The following WEE2 variants were observed in gnomAD, a reference collection of about 807,000 sequenced individuals.
The protein encoded by WEE2 is wee1-like protein kinase 2.
A neutral mutation model predicts 60.1 loss-of-function variants in WEE2; 50 were observed. That is an observed-to-expected ratio of 0.83 (90% CI 0.66 to 1.05). The LOEUF (loss-of-function observed/expected upper bound fraction) is 1.05, where lower values mean the gene tolerates loss of function less well. Among genes scored for constraint, WEE2 ranks in the 50% least tolerant of loss-of-function variants. The probability of loss-of-function intolerance (pLI) is 0.00; values close to 1 mark genes in which losing one functional copy is unlikely to be tolerated. For synonymous variants in WEE2, 240 were observed against 241.0 expected (o/e 1.00, Z 0.04); for missense variants, 631 against 684.3 (o/e 0.92, Z 0.87).
At chr7:141,716,300 T>C in intron 3 of WEE2, 33 bp downstream of exon 3, 1 of 1,604,060 alleles carries the variant, frequency 6.2e-7, no homozygotes, top group Non-Finnish European at 8.5e-7. Context: ...GCGGCCACAA[T>C]ATAGGCAGTT....
chr7:141,716,163 T>C (rs1473045906), intron 2 of WEE2, 59 bp from the exon 3 acceptor site: 6 of 1,405,562 alleles, frequency 4.3e-6, no homozygotes, highest in Admixed American at 3.5e-5. Context: ...GAACCTAGCA[T>C]AGTTCGGCCT....
chr7:141,718,243 T>C (rs1432617877), intron 3 of WEE2, among the ~76,000 whole-genome samples: 2 of 152,210 alleles, frequency 1.3e-5, no homozygotes, highest in East Asian at 1.9e-4. Flanking sequence ...CTTTGGGAGA[T>C]AAATCAGCTT....
Position 141,712,752 on chromosome 7 carries a change from T to A in WEE2, c.343-1457T>A, listed in dbSNP as rs191951202. On this transcript the variant is annotated intron_variant, in intron 1 of 11. Coordinates refer to ENST00000397541, the MANE Select transcript of WEE2 (RefSeq NM_001105558.1). ...TTCTTTGAGATGTGACAACTAGAAC[T>A]ATGTGCTGCATTCCAGGTGTGGCTA... 1.2e-3 allele frequency among the ~76,000 whole-genome samples: 182 copies of A among 152,344 alleles called. 1 individual carries two copies. Among genetic ancestry groups the A allele is most frequent in the African/African-American group, 4.2e-3 (174 of 41,586 alleles).
intron 1 of WEE2, among the ~76,000 whole-genome samples, chr7:141,710,587 A>C (rs1013696221): frequency 6.6e-6 from 1 of 152,210 alleles, no homozygotes; most frequent in Non-Finnish European, 1.5e-5. Context: ...CATGATGAGA[A>C]GGAATTAGGA....
chr7:141,715,892 C>A (rs1187617487), intron 2 of WEE2, among the ~76,000 whole-genome samples: 2 of 152,206 alleles, frequency 1.3e-5, no homozygotes, highest in African/African-American at 4.8e-5. Context: ...GTTCTGTGCT[C>A]TCTTGCTCCA....
intron 10 of WEE2, among the ~76,000 whole-genome samples, chr7:141,728,474 A>G (rs894263653): frequency 2.0e-5 from 3 of 152,182 alleles, no homozygotes; most frequent in Admixed American, 2.0e-4. Context: ...TTTGAATTCC[A>G]TTGTCCCAGC....
chr7:141,710,852 C>A (rs1052665080), intron 1 of WEE2, among the ~76,000 whole-genome samples: 2 of 152,042 alleles, frequency 1.3e-5, no homozygotes, highest in African/African-American at 4.8e-5. Context: ...AGATTTTAAT[C>A]CTGAGAGTGT....
chr7:141,724,055 CT>C lies in WEE2; in HGVS notation c.1135+8del. 6.2e-7 allele frequency: 1 copy of C among 1,605,620 alleles called. No homozygotes were observed. The highest frequency in any genetic ancestry group is 1.7e-4 in the Middle Eastern group (1 of 6,030). On this transcript the variant is annotated splice_region_variant and intron_variant, in intron 7 of 11. Coordinates refer to ENST00000397541, the MANE Select transcript of WEE2 (RefSeq NM_001105558.1). ...AATGTGATGTATAAAATTGGTTAGT[CT>C]GCCTTATAGCCTTACCAGTTACCAT...
At chr7:141,724,948 C>A in intron 8 of WEE2, 78 bp from the exon 9 acceptor site, 1 of 1,508,664 alleles carries the variant, frequency 6.6e-7, no homozygotes, top group African/African-American at 1.4e-5. Flanking sequence ...TCGAATGAAC[C>A]TTTCCTACCA....
At chr7:141,723,424 A>T in intron 6 of WEE2, 144 bp downstream of exon 6, 4 of 952,404 alleles carry the variant, frequency 4.2e-6, no homozygotes, top group Non-Finnish European at 6.2e-6. Context: ...CCTTAAAAAA[A>T]ATCAGTTAAA....
At chr7:141,724,536 T>A (rs1457679715) in intron 8 of WEE2, among the ~76,000 whole-genome samples, 1 of 152,208 alleles carries the variant, frequency 6.6e-6, no homozygotes, top group Non-Finnish European at 1.5e-5. Flanking sequence ...CTTCCTAACC[T>A]CATGGATTGC....
rs969752971 is a variant in WEE2 at position 141,724,409 on chromosome 7, C to A, written c.1221+134C>A. ...CGCTCTTCCCATTCAGAATGGAGAC[C>A]AAAGATAGGAGAGAAACTCTTCCAA... is the stretch of plus-strand genomic sequence containing the variant. On this transcript the variant is annotated intron_variant, in intron 8 of 11. Coordinates refer to ENST00000397541, the MANE Select transcript of WEE2 (RefSeq NM_001105558.1). The A allele has an allele frequency of 7.7e-6, 6 of 781,234 alleles. No individual in the cohort carries two copies. The African/African-American group carries it at 8.9e-5, about 12-fold the overall frequency. The allele number at this position is 781,234 out of a possible 1,614,324, so 48.4% of individuals were successfully genotyped here. A position where few individuals can be genotyped will look rare whatever the true frequency, so the allele number is the denominator to read the frequency against.
Position 141,708,829 on chromosome 7 carries a change from T to C in WEE2, c.71T>C (p.Ile24Thr), listed in dbSNP as rs1798663868. The C allele has an allele frequency of 6.2e-7, 1 of 1,613,968 alleles. No individual in the cohort carries two copies. Among genetic ancestry groups the C allele is most frequent in the Non-Finnish European group, 8.5e-7 (1 of 1,179,992 alleles). The change falls in exon 1 of 12, where the codon ATT becomes ACT. Residue 24 changes from isoleucine to threonine, a missense_variant. Transcript: ENST00000397541. ...LNFSYCEETE[I>T]EGQKKVEESR... ...TTTTCCTATTGTGAGGAGACTGAGA[T>C]TGAAGGGCAGAAGAAAGTAGAAGAA...
At chr7:141,719,939 A>G (rs936462912) in intron 4 of WEE2, among the ~76,000 whole-genome samples, 1 of 152,168 alleles carries the variant, frequency 6.6e-6, no homozygotes, top group Non-Finnish European at 1.5e-5. Context: ...TACATTAACA[A>G]TGAATTCAAT....
intron 4 of WEE2, among the ~76,000 whole-genome samples, chr7:141,719,722 T>C (rs1349923919): frequency 6.6e-6 from 1 of 152,356 alleles, no homozygotes; most frequent in Middle Eastern, 3.4e-3. Flanking sequence ...GTGCTGGGAT[T>C]ACAGGCGTGA....
intron 1 of WEE2, among the ~76,000 whole-genome samples, chr7:141,712,793 G>A (rs1005157327): frequency 1.3e-5 from 2 of 152,172 alleles, no homozygotes; most frequent in East Asian, 3.8e-4. Flanking sequence ...TGTTTCATAT[G>A]TAATAGATGT....
rs771794268 is a variant in WEE2, at chr7:141,724,246, C to T, written c.1192C>T (p.Arg398Cys). The T allele has an allele frequency of 9.9e-6, 16 of 1,613,660 alleles. No homozygotes were observed. The highest frequency in any genetic ancestry group is 8.0e-5 in the African/African-American group (6 of 74,858). The change falls in exon 8 of 12, where the codon CGC becomes TGC. Residue 398 changes from arginine (R) to cysteine (C), a missense_variant. Coordinates refer to ENST00000397541, the MANE Select transcript of WEE2 (RefSeq NM_001105558.1). ...NKPKVEEGDSRFLANEILQED... is the reference protein window; with the variant it reads ...NKPKVEEGDSCFLANEILQED... ...ACCCAAAGTGGAAGAAGGAGATAGT[C>T]GCTTCCTGGCTAATGAGATTTTGCA...
At chr7:141,716,744 G>A (rs1049252250) in intron 3 of WEE2, among the ~76,000 whole-genome samples, 1 of 152,042 alleles carries the variant, frequency 6.6e-6, no homozygotes, top group African/African-American at 2.4e-5. Context: ...TACACTCATG[G>A]GGTAGAGAAG....
Position 141,730,416 on chromosome 7 carries a change from A to G in WEE2, c.*96A>G. The G allele has an allele frequency of 1.8e-6, 2 of 1,115,506 alleles. No individual in the cohort carries two copies. The highest frequency in any genetic ancestry group is 2.7e-6 in the Non-Finnish European group (2 of 752,464). 69.1% of individuals were successfully genotyped at this position (1,115,506 alleles called of 1,614,324 possible). On this transcript the variant is annotated 3_prime_UTR_variant, in exon 12 of 12. Coordinates refer to ENST00000397541, the MANE Select transcript of WEE2 (RefSeq NM_001105558.1). ...AAGATCCCAGGGACTCGTTGTACAT[A>G]GAAAGGAATAGAATTTAGTTTAGAG...
Sources: allele counts gnomAD v4.1 joint callset (sites outside exome capture counted in the v4.1 genomes callset), GRCh38; gene constraint gnomAD v4.1.1; transcripts MANE v1.5; gene names NCBI Gene and HGNC (gene_info 2026-07-23, HGNC 2026-07-21).